NBAS: variants seen among roughly 807,000 people sequenced by gnomAD.
NBAS encodes the protein NBAS subunit of NRZ tethering complex.
NBAS carries 219 observed loss-of-function variants against 302.5 expected under a neutral mutation model. The observed-to-expected ratio is 0.72, with a 90% confidence interval of 0.65 to 0.81. NBAS has a LOEUF of 0.81. Ranked by LOEUF, NBAS falls within the 30% of genes least tolerant of loss-of-function variation. The pLI is 0.00. For synonymous variants in NBAS, 1,118 were observed against 1,021.6 expected, an observed-to-expected ratio of 1.09 and a Z score of -1.80; for missense variants, 2,932 against 2,841.6, an observed-to-expected ratio of 1.03 and a Z score of -0.72.
At chr2:15,215,395 T>G (rs1666608202) in intron 48 of NBAS, among the ~76,000 whole-genome samples, 1 of 152,196 alleles carries the variant, frequency 6.6e-6, no homozygotes, top group African/African-American at 2.4e-5. Context: ...GGCCACTACT[T>G]TGGGCACCTC....
At chr2:15,110,373 G>T in the NBAS span, among the ~76,000 whole-genome samples, 1 of 152,168 alleles carries the variant, frequency 6.6e-6, no homozygotes, top group Admixed American at 6.5e-5. Context: ...TGATGTGCAA[G>T]ATAATTTATT....
At chr2:14,904,779 G>A in the NBAS span, among the ~76,000 whole-genome samples, 14 of 152,330 alleles carry the variant, frequency 9.2e-5, no homozygotes, top group East Asian at 2.7e-3. Flanking sequence ...GCCGGGCGCG[G>A]TGGCTCAAGC....
chr2:14,781,315 A>G, the NBAS span, among the ~76,000 whole-genome samples: 1 of 152,234 alleles, frequency 6.6e-6, no homozygotes, highest in African/African-American at 2.4e-5. Flanking sequence ...TAACTTGCTT[A>G]CGCAAATACA....
chr2:14,973,256 C>T, the NBAS span, among the ~76,000 whole-genome samples: 1 of 152,288 alleles, frequency 6.6e-6, no homozygotes, highest in African/African-American at 2.4e-5. Flanking sequence ...TTGACAGACA[C>T]CTAGTCCTAA....
chr2:15,281,685 A>G (rs1489454645), intron 42 of NBAS, among the ~76,000 whole-genome samples: 1 of 152,200 alleles, frequency 6.6e-6, no homozygotes, highest in Non-Finnish European at 1.5e-5. Flanking sequence ...TTGTCTATCA[A>G]TAATATTCTA....
chr2:15,427,683 A>C (rs1677545493), intron 22 of NBAS, 28 bp downstream of exon 22: 2 of 1,572,954 alleles, frequency 1.3e-6, no homozygotes, highest in Middle Eastern at 1.7e-4. Flanking sequence ...CAAAGAAACA[A>C]AGATGCCTCC....
the NBAS span, among the ~76,000 whole-genome samples, chr2:14,922,969 G>A: frequency 4.6e-5 from 7 of 152,040 alleles, no homozygotes; most frequent in Admixed American, 1.3e-4. Context: ...TGGCTAACAC[G>A]GTGAAACCCC....
intron 31 of NBAS, among the ~76,000 whole-genome samples, chr2:15,372,576 T>TG (rs1674539617): frequency 6.6e-6 from 1 of 152,216 alleles, no homozygotes; most frequent in Non-Finnish European, 1.5e-5. Context: ...ATGGCATCTG[T>TG]AAGATAAACA....
At chr2:14,784,805 C>CT in the NBAS span, among the ~76,000 whole-genome samples, 1 of 152,114 alleles carries the variant, frequency 6.6e-6, no homozygotes, top group Non-Finnish European at 1.5e-5. Context: ...GATGCAGGCT[C>CT]TTTTTTGGTT....
At position 15,551,492 on chromosome 2, in the gene NBAS, C is replaced by T. The variant is rs544319529; in HGVS notation, c.379+1G>A. On this transcript the variant is annotated splice_donor_variant, in intron 6 of 51. Transcript: ENST00000281513. LOFTEE classifies it high-confidence loss of function. ...TCTTTAAATATTTTGGAAACTCTTA[C>T]CTTGACATTTCCCAATAATGGATGT... The T allele has an allele frequency of 6.2e-7, 1 of 1,605,834 alleles. No homozygotes were observed. Among genetic ancestry groups the T allele is most frequent in the Non-Finnish European group, 8.5e-7 (1 of 1,174,482 alleles).
chr2:14,984,429 AC>A, the NBAS span, among the ~76,000 whole-genome samples: 4 of 152,188 alleles, frequency 2.6e-5, no homozygotes, highest in African/African-American at 9.7e-5. Context: ...ACAAATGAAT[AC>A]ATTAAAGGTT....
chr2:14,784,918 A>C, the NBAS span, among the ~76,000 whole-genome samples: 11,665 of 152,058 alleles, frequency 0.077, 544 homozygotes, highest in African/African-American at 0.13. Context: ...GCAGTAAGGC[A>C]ATTTTCACGA....
the NBAS span, among the ~76,000 whole-genome samples, chr2:15,020,107 C>G: frequency 6.6e-6 from 1 of 152,158 alleles, no homozygotes; most frequent in South Asian, 2.1e-4. Flanking sequence ...GTTTAACTCC[C>G]AAGTCTATAC....
At chr2:14,996,419 T>C in the NBAS span, among the ~76,000 whole-genome samples, 48,146 of 151,978 alleles carry the variant, frequency 0.32, 8,779 homozygotes, top group Non-Finnish European at 0.42. Context: ...GGAGTCCCAG[T>C]TTCAGTCCAG....
intron 32 of NBAS, among the ~76,000 whole-genome samples, chr2:15,362,659 T>C (rs887671132): frequency 3.9e-5 from 6 of 152,164 alleles, no homozygotes; most frequent in African/African-American, 9.7e-5. Flanking sequence ...TAACACAATA[T>C]AAAACCTATT....
At chr2:15,428,221 CA>C (rs1395187127) in intron 21 of NBAS, among the ~76,000 whole-genome samples, 1 of 152,170 alleles carries the variant, frequency 6.6e-6, no homozygotes, top group African/African-American at 2.4e-5. Context: ...ATACAGTAAC[CA>C]CCAGCTATGT....
chr2:15,139,747 T>C, the NBAS span, among the ~76,000 whole-genome samples: 3 of 152,172 alleles, frequency 2.0e-5, no homozygotes, highest in African/African-American at 7.2e-5. Flanking sequence ...GAATAGAAGA[T>C]ACGAGACAGG....
intron 6 of NBAS, among the ~76,000 whole-genome samples, chr2:15,550,655 C>T (rs977673100): frequency 2.0e-5 from 3 of 149,948 alleles, no homozygotes; most frequent in African/African-American, 7.4e-5. Context: ...GGCTCAATCT[C>T]GGCTCACTGT....
At chr2:15,047,999 A>G in the NBAS span, among the ~76,000 whole-genome samples, 2 of 151,742 alleles carry the variant, frequency 1.3e-5, no homozygotes, top group Non-Finnish European at 2.9e-5. Flanking sequence ...CTGAGTCACA[A>G]TTGTTTAAGT....
Sources: gnomAD v4.1 joint callset for allele counts (sites outside exome capture counted in the v4.1 genomes callset) on GRCh38, gnomAD v4.1.1 for gene constraint, MANE v1.5 for transcripts, NCBI Gene and HGNC (gene_info 2026-07-23, HGNC 2026-07-21) for gene names.